CEP72: variants seen among roughly 807,000 people sequenced by gnomAD.
CEP72 encodes centrosomal protein 72.
In CEP72, 78 loss-of-function variants were observed where a neutral mutation model predicts 65.7. The observed-to-expected ratio is 1.19, with a 90% CI of 0.99 to 1.43. CEP72 has a LOEUF of 1.43. Among genes scored for constraint, CEP72 ranks in the 40% most tolerant of loss-of-function variants. The pLI is 0.00. For missense variants in CEP72, 914 were observed against 832.9 expected, an observed-to-expected ratio of 1.10 and a Z score of -1.20; for synonymous variants, 358 against 351.7, an observed-to-expected ratio of 1.02 and a Z score of -0.20.
At position 618,976 on chromosome 5, in the gene CEP72, T is replaced by A; in HGVS notation, c.83-14T>A. 6.3e-7 allele frequency: 1 copy of A among 1,587,184 alleles called. No homozygotes were observed. Among genetic ancestry groups the A allele is most frequent in the Non-Finnish European group, 8.6e-7 (1 of 1,160,786 alleles). ...AAATAAAAGATTAAAATCTTACAAT[T>A]TTTCTATTCTTAGCTGAGCTTCAGT... On this transcript the variant is annotated splice_polypyrimidine_tract_variant and intron_variant, in intron 1 of 11. Coordinates refer to ENST00000264935, the MANE Select transcript of CEP72 (RefSeq NM_018140.4).
At chr5:641,688 C>T (rs886130048) in intron 9 of CEP72, 5 of 984,362 alleles carry the variant, frequency 5.1e-6, no homozygotes, top group Non-Finnish European at 6.0e-6. Context: ...ACACGTGGGT[C>T]CCCATCCCCC....
At position 623,283 on chromosome 5, in the gene CEP72, C is replaced by T. The variant is rs1490581800; in HGVS notation, c.404-1188C>T. On this transcript the variant is annotated intron_variant, in intron 3 of 11. Transcript: ENST00000264935. The surrounding 1 kb of genome is among the most constrained non-coding windows in gnomAD (Gnocchi z 5.3). ...GCAGTGGCGCTGGCAGTCAGAGGCGCTGCGGGAACCACGGAGGTGCGGGGC... is the reference window on the plus strand; with the variant it reads ...GCAGTGGCGCTGGCAGTCAGAGGCGTTGCGGGAACCACGGAGGTGCGGGGC... Among the ~76,000 whole-genome samples the T allele has an allele frequency of 1.3e-5, 2 of 152,258 alleles. No individual in the cohort carries two copies. The highest frequency in any genetic ancestry group is 2.9e-5 in the Non-Finnish European group (2 of 68,040).
At chr5:640,907 G>T (rs939530569) in intron 9 of CEP72, 5 of 985,338 alleles carry the variant, frequency 5.1e-6, no homozygotes, top group Admixed American at 6.1e-5. Flanking sequence ...ACGTGACTTT[G>T]TCTTGCTGAC....
rs1238678776 is a variant in CEP72, at chr5:623,753, T to A, written c.404-718T>A. ...GAGTGCCCCAGGTTGCAGAGGCCTC[T>A]GACTCGGCATCTTTGTGTGATTATC... On this transcript the variant is annotated intron_variant, in intron 3 of 11. Transcript: ENST00000264935. The surrounding 1 kb of genome is among the most constrained non-coding windows in gnomAD (Gnocchi z 5.3). 6.6e-6 allele frequency among the ~76,000 whole-genome samples: 1 copy of A among 152,106 alleles called. No individual in the cohort carries two copies. Among genetic ancestry groups the A allele is most frequent in the African/African-American group, 2.4e-5 (1 of 41,390 alleles).
In CEP72 at chr5:623,879, G is replaced by A. The variant is rs1736561108; in HGVS notation, c.404-592G>A. On this transcript the variant is annotated intron_variant, in intron 3 of 11. Coordinates refer to ENST00000264935, the MANE Select transcript of CEP72 (RefSeq NM_018140.4). The surrounding 1 kb of genome is among the most constrained non-coding windows in gnomAD (Gnocchi z 5.3). ...TTTTGGGGCGTGCTGTAGGCTAAAT[G>A]GAGGCAGCGTGGGAACTTGTCACAG... Among the ~76,000 whole-genome samples, 1 of 152,204 alleles carries A rather than the reference G, an allele frequency of 6.6e-6. No individual in the cohort carries two copies. Among genetic ancestry groups the A allele is most frequent in the Non-Finnish European group, 1.5e-5 (1 of 68,024 alleles).
intron 9 of CEP72, chr5:641,126 G>A (rs759643460): frequency 4.1e-6 from 4 of 985,106 alleles, no homozygotes; most frequent in Non-Finnish European, 4.8e-6. Flanking sequence ...TCAGCCGTGG[G>A]CCGGGGCCGC....
intron 2 of CEP72, chr5:663,577 G>C (rs559102443): frequency 6.6e-6 from 1 of 152,496 alleles, no homozygotes; most frequent in Non-Finnish European, 1.5e-5. Flanking sequence ...GCTCAGGTAG[G>C]GGGAGTCCTT....
At chr5:637,473 A>G in intron 6 of CEP72, 44 bp from the exon 7 acceptor site, 1 of 1,562,714 alleles carries the variant, frequency 6.4e-7, no homozygotes, top group Non-Finnish European at 8.7e-7. Flanking sequence ...CACTGCACCC[A>G]GAGAATTTGG....
chr5:644,207 C>T, intron 9 of CEP72, 92 bp from the exon 10 acceptor site: 1 of 1,408,124 alleles, frequency 7.1e-7, no homozygotes, highest in Non-Finnish European at 9.8e-7. Flanking sequence ...GCAGAAGGAA[C>T]CCTCTGGGGA....
exon 4 of CEP72, chr5:665,942 C>T (rs748056779): frequency 2.9e-6 from 4 of 1,395,364 alleles, no homozygotes; most frequent in East Asian, 5.4e-5. Context: ...CCCCTCCAGG[C>T]CCCGCCTTCC....
intron 1 of CEP72, among the ~76,000 whole-genome samples, chr5:613,367 G>A (rs1196322876): frequency 6.6e-6 from 1 of 151,868 alleles, no homozygotes; most frequent in African/African-American, 2.4e-5. Flanking sequence ...TCCCCAAGGA[G>A]ATCTGAGCGG....
intron 1 of CEP72, among the ~76,000 whole-genome samples, chr5:618,015 A>G (rs1401098622): frequency 1.3e-5 from 2 of 152,170 alleles, no homozygotes; most frequent in Non-Finnish European, 2.9e-5. Flanking sequence ...GGGTGCGTGG[A>G]GCTTGCACAG....
At chr5:618,229 G>A (rs1736121735) in intron 1 of CEP72, among the ~76,000 whole-genome samples, 1 of 152,146 alleles carries the variant, frequency 6.6e-6, no homozygotes, top group African/African-American at 2.4e-5. Context: ...AGGTATTGTA[G>A]AGATAAACAT....
At chr5:666,495 G>C (rs1400273904) in intron 4 of CEP72, among the ~76,000 whole-genome samples, 4 of 152,198 alleles carry the variant, frequency 2.6e-5, no homozygotes, top group African/African-American at 9.6e-5. Flanking sequence ...TGGGGCCCCG[G>C]CTCTGCCTGT....
At chr5:647,017 G>A (rs1339489971) in intron 10 of CEP72, among the ~76,000 whole-genome samples, 2 of 152,240 alleles carry the variant, frequency 1.3e-5, no homozygotes, top group Non-Finnish European at 2.9e-5. Flanking sequence ...GTGCCGCCCT[G>A]CGCTTCCTTC....
intron 6 of CEP72, 81 bp downstream of exon 6, chr5:635,665 T>C: frequency 8.5e-7 from 1 of 1,173,478 alleles, no homozygotes; most frequent in Non-Finnish European, 1.3e-6. Context: ...AACAGAAGCT[T>C]ATGTGGCTCA....
intron 1 of CEP72, among the ~76,000 whole-genome samples, chr5:618,611 G>C (rs200189101): frequency 2.0e-5 from 3 of 152,118 alleles, no homozygotes; most frequent in African/African-American, 7.2e-5. Context: ...GGGCCGGGGG[G>C]AGTTTATAGC....
chr5:659,699 G>A (rs1739502476), downstream of CEP72, among the ~76,000 whole-genome samples: 1 of 152,226 alleles, frequency 6.6e-6, no homozygotes, highest in African/African-American at 2.4e-5. Context: ...CTGTCTAGAT[G>A]AGGAAGCGAG....
At chr5:665,592 C>A (rs952603655) in intron 3 of CEP72, among the ~76,000 whole-genome samples, 4 of 151,326 alleles carry the variant, frequency 2.6e-5, no homozygotes, top group Admixed American at 2.6e-4. Context: ...CAGCCAGGCC[C>A]CACCCTCCAG....
Sources: gnomAD v4.1 joint callset for allele counts (sites outside exome capture counted in the v4.1 genomes callset) on GRCh38, gnomAD v4.1.1 for gene constraint, Gnocchi (gnomAD v3.1) non-coding constraint, MANE v1.5 for transcripts, NCBI Gene and HGNC (gene_info 2026-07-23, HGNC 2026-07-21) for gene names.